Variants in PTGES3 observed in about 807,000 individuals in gnomAD.
PTGES3 encodes the protein Hsp90 co-chaperone.
A neutral mutation model predicts 29.9 loss-of-function variants in PTGES3; 5 were observed. That is an observed-to-expected ratio of 0.17 (90% CI 0.09 to 0.35). PTGES3 has a LOEUF of 0.35. PTGES3 is among the 10% of genes least tolerant of loss of function. The probability of loss-of-function intolerance (pLI) is 1.00; values close to 1 mark genes in which losing one functional copy is unlikely to be tolerated. For missense variants in PTGES3, 128 were observed against 190.0 expected (o/e 0.67, Z 1.92); for synonymous variants, 49 against 57.8 (o/e 0.85, Z 0.69).
In PTGES3 at chr12:56,666,194, T is replaced by A; in HGVS notation, c.438+10A>T. 1 of 1,603,672 alleles carries A rather than the reference T, an allele frequency of 6.2e-7. No individual in the cohort carries two copies. Among genetic ancestry groups the A allele is most frequent in the African/African-American group, 1.3e-5 (1 of 74,456 alleles). ...TGAAAGTAAACAGAAAAAAGAATTT[T>A]TAGACTTACATCATCTGCTCCATCT... On this transcript the variant is annotated intron_variant, in intron 6 of 7. Coordinates refer to ENST00000262033, the MANE Select transcript of PTGES3 (RefSeq NM_006601.7).
intron 5 of PTGES3, among the ~76,000 whole-genome samples, 197 bp downstream of exon 5, chr12:56,670,078 T>A (rs11171920): frequency 6.6e-6 from 1 of 152,178 alleles, no homozygotes; most frequent in African/African-American, 2.4e-5. Context: ...TAATTCCTTT[T>A]AAAATCATTA....
Position 56,686,310 on chromosome 12 carries a change from C to T in PTGES3, c.2+1688G>A, listed in dbSNP as rs779030940. On this transcript the variant is annotated intron_variant, in intron 1 of 7. Coordinates refer to ENST00000262033, the MANE Select transcript of PTGES3 (RefSeq NM_006601.7). Reference sequence around the variant, plus strand: ...GAGTATGAAAGGTTAAGACTGATGTCCCTTCTACATTACTTAGGAGAGCTT... The same window carrying T: ...GAGTATGAAAGGTTAAGACTGATGTTCCTTCTACATTACTTAGGAGAGCTT... 3.3e-5 allele frequency among the ~76,000 whole-genome samples: 5 copies of T among 152,104 alleles called. No homozygotes were observed. In the East Asian group the frequency reaches 9.6e-4, roughly 29 times the overall value.
At chr12:56,665,347 G>A (rs1207930442) in intron 6 of PTGES3, 4 of 948,806 alleles carry the variant, frequency 4.2e-6, no homozygotes, top group Non-Finnish European at 1.2e-6. Context: ...CCAGGCTACA[G>A]TGCAGTGGCG....
intron 3 of PTGES3, 63 bp downstream of exon 3, chr12:56,672,677 G>T: frequency 6.8e-7 from 1 of 1,472,300 alleles, no homozygotes; most frequent in South Asian, 1.5e-5. Flanking sequence ...TTGCTAAAAA[G>T]AATACTTGGT....
intron 3 of PTGES3, 115 bp downstream of exon 3, chr12:56,672,621 TATAC>T: frequency 8.6e-7 from 1 of 1,163,178 alleles, no homozygotes; most frequent in East Asian, 2.7e-5. Flanking sequence ...AAAATGTAAA[TATAC>T]ATAGTTTGCC....
At chr12:56,678,005 C>T (rs182097411) in intron 1 of PTGES3, among the ~76,000 whole-genome samples, 2 of 152,156 alleles carry the variant, frequency 1.3e-5, no homozygotes, top group Non-Finnish European at 2.9e-5. Context: ...AAATATCTTA[C>T]GGTTTCCCTG....
intron 1 of PTGES3, among the ~76,000 whole-genome samples, chr12:56,678,952 G>A (rs1487897702): frequency 6.6e-6 from 1 of 151,686 alleles, no homozygotes; most frequent in Non-Finnish European, 1.5e-5. Flanking sequence ...CCACATCTCT[G>A]CCAAAAAGAA....
chr12:56,687,145 T>C, intron 1 of PTGES3: 1 of 917,432 alleles, frequency 1.1e-6, no homozygotes, highest in Non-Finnish European at 1.4e-6. Context: ...AGAATCTGTA[T>C]TCACCTCCAC....
At chr12:56,684,682 C>A (rs1408709151) in intron 1 of PTGES3, among the ~76,000 whole-genome samples, 1 of 152,014 alleles carries the variant, frequency 6.6e-6, no homozygotes, top group African/African-American at 2.4e-5. Context: ...ATCGGTCGAA[C>A]GACAATGATT....
chr12:56,674,850 A>AAAAAAAAAAAAAAAAAAAAC (rs1952160098), intron 1 of PTGES3, among the ~76,000 whole-genome samples: 1 of 139,066 alleles, frequency 7.2e-6, no homozygotes, highest in African/African-American at 2.6e-5. Context: ...AAAAAAAAAA[A>AAAAAAAAAAAAAAAAAAAAC]AAAATTCGCC....
chr12:56,683,329 C>G (rs148939715), intron 1 of PTGES3, among the ~76,000 whole-genome samples: 1 of 151,366 alleles, frequency 6.6e-6, no homozygotes, highest in Non-Finnish European at 1.5e-5. Flanking sequence ...ACTAATTAGC[C>G]GGGCATGGTG....
intron 5 of PTGES3, among the ~76,000 whole-genome samples, chr12:56,666,605 T>TA (rs1249315906): frequency 6.6e-6 from 1 of 152,116 alleles, no homozygotes; most frequent in East Asian, 1.9e-4. Context: ...CTATCTATCT[T>TA]AAGTTAGGTG....
chr12:56,680,398 T>G (rs538673060), intron 1 of PTGES3, among the ~76,000 whole-genome samples: 3,097 of 151,564 alleles, frequency 0.02, 51 homozygotes, highest in African/African-American at 0.046. Flanking sequence ...TTTTTTTTTT[T>G]TGGGGGGACA....
intron 5 of PTGES3, among the ~76,000 whole-genome samples, chr12:56,667,370 A>G (rs1054555327): frequency 8.5e-5 from 13 of 152,266 alleles, no homozygotes; most frequent in South Asian, 6.2e-4. Context: ...ATATGCATGG[A>G]AAAAAAATCA....
At chr12:56,685,239 G>A (rs917089797) in intron 1 of PTGES3, among the ~76,000 whole-genome samples, 10 of 152,024 alleles carry the variant, frequency 6.6e-5, no homozygotes, top group Non-Finnish European at 1.2e-4. Context: ...TAAAATTTAA[G>A]TCTTTAGCTT....
In PTGES3 at chr12:56,666,036, T is replaced by C. The variant is rs528766143; in HGVS notation, c.438+168A>G. The C allele has an allele frequency of 9.0e-5, 124 of 1,380,592 alleles. 1 individual carries two copies. In the African/African-American group the frequency reaches 2.0e-3, roughly 22 times the overall value. The allele number at this position is 1,380,592 out of a possible 1,614,324, so 85.5% of individuals were successfully genotyped here. On this transcript the variant is annotated intron_variant, in intron 6 of 7. Transcript: ENST00000262033. ...ACGGTACAACCAGTTCCCTAATAGA[T>C]ACCCCCATTCGTCAAAAATGGGCAC...
intron 6 of PTGES3, chr12:56,665,057 C>T (rs1257143629): frequency 1.0e-6 from 1 of 985,126 alleles, no homozygotes; most frequent in Non-Finnish European, 1.2e-6. Flanking sequence ...GAATCCATTC[C>T]TAAATTAACC....
chr12:56,671,662 A>C (rs1952012299), intron 4 of PTGES3, 87 bp downstream of exon 4: 1 of 760,774 alleles, frequency 1.3e-6, no homozygotes, highest in African/African-American at 1.8e-5. Flanking sequence ...ACAAAAACAC[A>C]GCCATATTCC....
At chr12:56,664,987 G>C (rs937656961) in intron 6 of PTGES3, 187 bp from the exon 7 acceptor site, 5 of 985,340 alleles carry the variant, frequency 5.1e-6, no homozygotes, top group Non-Finnish European at 6.0e-6. Context: ...GTACAGCAGA[G>C]GATTTATCTA....
Sources: allele counts gnomAD v4.1 joint callset (sites outside exome capture counted in the v4.1 genomes callset), GRCh38; gene constraint gnomAD v4.1.1; transcripts MANE v1.5; gene names NCBI Gene and HGNC (gene_info 2026-07-23, HGNC 2026-07-21).